ITGA11: variants seen among roughly 807,000 people sequenced by gnomAD.
ITGA11 encodes integrin subunit alpha 11, also known as integrin alpha-11.
Under a neutral mutation model 141.9 loss-of-function variants are expected in ITGA11, and 97 were observed. The ratio of observed to expected loss-of-function variants is 0.68; its 90% CI spans 0.58 to 0.81. ITGA11 has a LOEUF of 0.81. Ranked by LOEUF, ITGA11 falls within the 30% of genes least tolerant of loss-of-function variation. The probability of loss-of-function intolerance (pLI) is 0.00; values close to 1 mark genes in which losing one functional copy is unlikely to be tolerated. For missense variants in ITGA11, 1,387 were observed against 1,559.2 expected, an observed-to-expected ratio of 0.89 and a Z score of 1.86; for synonymous variants, 658 against 624.6, an observed-to-expected ratio of 1.05 and a Z score of -0.80.
chr15:68,413,907 G>C (rs1411870800), intron 1 of ITGA11, among the ~76,000 whole-genome samples: 1 of 152,224 alleles, frequency 6.6e-6, no homozygotes, highest in African/African-American at 2.4e-5. Flanking sequence ...GCCAAGGAAA[G>C]AACGAAAGAA....
Position 68,320,308 on chromosome 15 carries a change from T to C in ITGA11, c.2493A>G (p.Ile831Met). Residue 831 changes from isoleucine to methionine, a missense_variant, in exon 20 of 30, where the codon ATA (isoleucine) becomes ATG (methionine). Physicochemically the swap from Ile to Met is conservative, Grantham distance 10. Coordinates refer to ENST00000315757, the MANE Select transcript of ITGA11 (RefSeq NM_001004439.2). ...TLSFDTTVFI[I>M]ESTRQRVAVE... ...CCGCCACTCGCTGGCGTGTGCTCTC[T>C]ATGATGAAGACTGTGGTGTCGAAGG... The C allele has an allele frequency of 6.2e-7, 1 of 1,613,954 alleles. No individual in the cohort carries two copies. Among genetic ancestry groups the C allele is most frequent in the Non-Finnish European group, 8.5e-7 (1 of 1,179,852 alleles).
At chr15:68,344,984 T>C (rs1894698327) in intron 10 of ITGA11, among the ~76,000 whole-genome samples, 1 of 151,998 alleles carries the variant, frequency 6.6e-6, no homozygotes, top group Non-Finnish European at 1.5e-5. Context: ...CATCAATTCT[T>C]TGTAGTCCTC....
intron 2 of ITGA11, among the ~76,000 whole-genome samples, chr15:68,395,030 A>C (rs1274578021): frequency 2.0e-5 from 3 of 152,182 alleles, no homozygotes; most frequent in African/African-American, 7.2e-5. Flanking sequence ...ATATCCAGGC[A>C]AACAGGGTCT....
intron 2 of ITGA11, among the ~76,000 whole-genome samples, chr15:68,379,696 C>A (rs578021462): frequency 1.8e-4 from 27 of 152,288 alleles, no homozygotes; most frequent in Non-Finnish European, 2.8e-4. Context: ...CAATGTAACC[C>A]CTCTCCCATC....
rs1645696837 is a variant in ITGA11, at chr15:68,298,282, G to T, written c.*4777C>A. ...TTTGCCTGTGCTTTAGAAATTTGGT[G>T]TGCTCAGTCCATCAGAGGGGCGGAC... On this transcript the variant is annotated 3_prime_UTR_variant, in exon 30 of 30. Coordinates refer to ENST00000315757, the MANE Select transcript of ITGA11 (RefSeq NM_001004439.2). 1 of 152,146 alleles carries T rather than the reference G, an allele frequency of 6.6e-6. No homozygotes were observed. The highest frequency in any genetic ancestry group is 2.1e-4 in the South Asian group (1 of 4,828). 9.4% of individuals were successfully genotyped at this position (152,146 alleles called of 1,614,324 possible).
In ITGA11 at chr15:68,324,221, G is replaced by C. The variant is rs1003658691; in HGVS notation, c.2322+910C>G. Among the ~76,000 whole-genome samples the C allele has an allele frequency of 1.5e-4, 23 of 152,012 alleles. No homozygotes were observed. Among genetic ancestry groups the C allele is most frequent in the African/African-American group, 4.8e-4 (20 of 41,382 alleles). On this transcript the variant is annotated intron_variant, in intron 18 of 29. Coordinates refer to ENST00000315757, the MANE Select transcript of ITGA11 (RefSeq NM_001004439.2). The surrounding 1 kb of genome is among the most constrained non-coding windows in gnomAD (Gnocchi z 6.3). The stretch of plus-strand genomic sequence containing the variant: ...GTGTGGAGGGGCTGTGGGGGATGAT[G>C]GGTGTGAATGAGAGAAGGGGAGGTT...
At chr15:68,365,286 A>T (rs1350424092) in intron 3 of ITGA11, 1 of 985,256 alleles carries the variant, frequency 1.0e-6, no homozygotes, top group East Asian at 1.1e-4. Context: ...GACAGCTGAG[A>T]GTTTCCTCTC....
chr15:68,405,700 G>A (rs768907797), intron 1 of ITGA11, among the ~76,000 whole-genome samples: 2 of 151,400 alleles, frequency 1.3e-5, no homozygotes, highest in Non-Finnish European at 2.9e-5. Flanking sequence ...GAGAGAGACA[G>A]CAGTGTCACA....
chr15:68,318,730 G>A (rs764253079), intron 20 of ITGA11, among the ~76,000 whole-genome samples: 2 of 152,124 alleles, frequency 1.3e-5, no homozygotes, highest in African/African-American at 4.8e-5. Flanking sequence ...GCAAGCAAGG[G>A]GGGGGCACTT....
intron 2 of ITGA11, among the ~76,000 whole-genome samples, chr15:68,380,137 T>C (rs1416184456): frequency 1.3e-5 from 2 of 152,122 alleles, no homozygotes; most frequent in African/African-American, 4.8e-5. Context: ...AATCACGTGG[T>C]CAGGTAGAGG....
At chr15:68,355,768 A>ATT (rs5813487) in intron 7 of ITGA11, among the ~76,000 whole-genome samples, 144 of 150,392 alleles carry the variant, frequency 9.6e-4, no homozygotes, top group African/African-American at 2.1e-3. Context: ...TACTTTGTGG[A>ATT]TTTTTTTTTT....
intron 2 of ITGA11, among the ~76,000 whole-genome samples, chr15:68,401,074 G>A (rs995071953): frequency 6.8e-6 from 1 of 146,660 alleles, no homozygotes; most frequent in Non-Finnish European, 1.5e-5. Flanking sequence ...CACAAAAGGG[G>A]ATACAAAAAT....
At chr15:68,423,300 C>G (rs1388463245) in intron 1 of ITGA11, among the ~76,000 whole-genome samples, 1 of 152,040 alleles carries the variant, frequency 6.6e-6, no homozygotes, top group Non-Finnish European at 1.5e-5. Context: ...TGGGGCCCCA[C>G]CTGACTGATT....
At position 68,325,467 on chromosome 15, in the gene ITGA11, T is replaced by A. The variant is rs1893944862; in HGVS notation, c.2212-226A>T. Reference sequence around the variant, plus strand: ...CAAGCTCAGCTCATGCCAACCTAGCTGCCTGGCTGTTTTGCCAAGCTCCTG... The same window carrying A: ...CAAGCTCAGCTCATGCCAACCTAGCAGCCTGGCTGTTTTGCCAAGCTCCTG... On this transcript the variant is annotated intron_variant, in intron 17 of 29. Transcript: ENST00000315757. The surrounding 1 kb of genome is among the most constrained non-coding windows in gnomAD (Gnocchi z 5.5). Among the ~76,000 whole-genome samples, 1 of 152,216 alleles carries A rather than the reference T, an allele frequency of 6.6e-6. No homozygotes were observed. Among genetic ancestry groups the A allele is most frequent in the Non-Finnish European group, 1.5e-5 (1 of 68,044 alleles).
At position 68,376,323 on chromosome 15, in the gene ITGA11, C is replaced by T. The variant is rs8042710; in HGVS notation, c.165-7039G>A. ...CATCTTCAAGGCCAGCTCCCCAAAG[C>T]GGCCTTTCCTGAAGACCTGTCACCC... On this transcript the variant is annotated intron_variant, in intron 2 of 29. Coordinates refer to ENST00000315757, the MANE Select transcript of ITGA11 (RefSeq NM_001004439.2). Among the ~76,000 whole-genome samples, 1,228 of 152,236 alleles carry T rather than the reference C, an allele frequency of 8.1e-3. 23 individuals are homozygous for T. The highest frequency in any genetic ancestry group is 0.028 in the African/African-American group (1,164 of 41,510).
rs1163647205 is a variant in ITGA11 at position 68,333,520 on chromosome 15, G to T, written c.1426-1042C>A. Reference sequence around the variant, plus strand: ...GGGGTACAGTGCTCCCCACTTCAGTGAGGGCAACATCCACCCCCTCATCAG... The same window carrying T: ...GGGGTACAGTGCTCCCCACTTCAGTTAGGGCAACATCCACCCCCTCATCAG... On this transcript the variant is annotated intron_variant, in intron 12 of 29. Coordinates refer to ENST00000315757, the MANE Select transcript of ITGA11 (RefSeq NM_001004439.2). The surrounding 1 kb of genome is among the most constrained non-coding windows in gnomAD (Gnocchi z 4.2). 6.6e-6 allele frequency among the ~76,000 whole-genome samples: 1 copy of T among 152,100 alleles called. No homozygotes were observed. Among genetic ancestry groups the T allele is most frequent in the Non-Finnish European group, 1.5e-5 (1 of 68,010 alleles).
At chr15:68,392,607 G>A (rs185085833) in intron 2 of ITGA11, among the ~76,000 whole-genome samples, 1 of 152,270 alleles carries the variant, frequency 6.6e-6, no homozygotes, top group East Asian at 1.9e-4. Flanking sequence ...AGCTGTGTAT[G>A]CATAGTATGA....
At chr15:68,403,478 AC>A (rs1896561482) in intron 1 of ITGA11, among the ~76,000 whole-genome samples, 1 of 151,360 alleles carries the variant, frequency 6.6e-6, no homozygotes, top group Non-Finnish European at 1.5e-5. Context: ...TCTTGCTCCC[AC>A]TCTTGCATGT....
At position 68,321,291 on chromosome 15, in the gene ITGA11, G is replaced by T; in HGVS notation, c.2408+127C>A. 1 of 521,440 alleles carries T rather than the reference G, an allele frequency of 1.9e-6. No individual in the cohort carries two copies. Among genetic ancestry groups the T allele is most frequent in the South Asian group, 3.5e-5 (1 of 28,476 alleles). 32.3% of individuals were successfully genotyped at this position (521,440 alleles called of 1,614,324 possible). The stretch of plus-strand genomic sequence containing the variant: ...GCCTGGGCTAGAACGCAGGCTCCAA[G>T]TGCAATGTTTGATCCATGCTGCCTG... On this transcript the variant is annotated intron_variant, in intron 19 of 29. Coordinates refer to ENST00000315757, the MANE Select transcript of ITGA11 (RefSeq NM_001004439.2). The surrounding 1 kb of genome is among the most constrained non-coding windows in gnomAD (Gnocchi z 4.9).
Sources: allele counts gnomAD v4.1 joint callset (sites outside exome capture counted in the v4.1 genomes callset), GRCh38; gene constraint gnomAD v4.1.1; non-coding constraint Gnocchi (gnomAD v3.1); transcripts MANE v1.5; gene names NCBI Gene and HGNC (gene_info 2026-07-23, HGNC 2026-07-21).